Variants in HYOU1 observed in about 807,000 individuals in gnomAD.
HYOU1 encodes the protein hypoxia up-regulated protein 1.
Under a neutral mutation model 120.5 loss-of-function variants are expected in HYOU1, and 40 were observed. The observed-to-expected ratio is 0.33, with a 90% CI of 0.26 to 0.43. The LOEUF (loss-of-function observed/expected upper bound fraction) is 0.43, where lower values mean the gene tolerates loss of function less well. Among genes scored for constraint, HYOU1 ranks in the 20% least tolerant of loss-of-function variants. The probability of loss-of-function intolerance (pLI) is 1.00; values close to 1 mark genes in which losing one functional copy is unlikely to be tolerated. For missense variants in HYOU1, 1,085 were observed against 1,278.3 expected (o/e 0.85, Z 2.31); for synonymous variants, 501 against 479.4 (o/e 1.05, Z -0.59).
rs1462666836 is a variant in HYOU1 at position 119,049,220 on chromosome 11, G to A, written c.1807-17C>T. ...CTCTTCCTCCTGGGAAACACCACAG[G>A]CGCCCCAGGGAACGATCAGGAGCAG... On this transcript the variant is annotated splice_polypyrimidine_tract_variant and intron_variant, in intron 16 of 25. Transcript: ENST00000617285. 6.3e-7 allele frequency: 1 copy of A among 1,588,256 alleles called. No individual in the cohort carries two copies. Among genetic ancestry groups the A allele is most frequent in the Non-Finnish European group, 8.6e-7 (1 of 1,168,410 alleles).
Position 119,045,851 on chromosome 11 carries a change from G to A in HYOU1, c.2888-20C>T, listed in dbSNP as rs942315736. 1.2e-6 allele frequency: 2 copies of A among 1,611,848 alleles called. No homozygotes were observed. Among genetic ancestry groups the A allele is most frequent in the Non-Finnish European group, 8.5e-7 (1 of 1,179,444 alleles). ...CGGATCCTGCTTTGGGAAGAAACAG[G>A]TTAGTCTCCTCAGAAGGGAGGAAGA... is the stretch of plus-strand genomic sequence containing the variant. On this transcript the variant is annotated intron_variant, in intron 24 of 25. Transcript: ENST00000617285.
intron 6 of HYOU1, 111 bp downstream of exon 6, chr11:119,054,873 A>G: frequency 8.2e-7 from 1 of 1,214,216 alleles, no homozygotes; most frequent in Non-Finnish European, 1.2e-6. Flanking sequence ...ACCAAAATCT[A>G]TCTTCAGATG....
intron 22 of HYOU1, 152 bp downstream of exon 22, chr11:119,047,582 A>C: frequency 1.5e-6 from 1 of 676,776 alleles, no homozygotes; most frequent in South Asian, 1.7e-5. Flanking sequence ...GCTTGGGACT[A>C]ATCAGAGGTG....
At position 119,051,327 on chromosome 11, in the gene HYOU1, C is replaced by T; in HGVS notation, c.1526+111G>A. 1 of 1,485,744 alleles carries T rather than the reference C, an allele frequency of 6.7e-7. No individual in the cohort carries two copies. Among genetic ancestry groups the T allele is most frequent in the African/African-American group, 1.4e-5 (1 of 72,312 alleles). The allele number at this position is 1,485,744 out of a possible 1,614,324, so 92.0% of individuals were successfully genotyped here. ...TCTCCAGCGAAGCTGATCATAGCTG[C>T]CCTGTTTCAGCCCCGCAGGCCCACA... On this transcript the variant is annotated intron_variant, in intron 13 of 25. Transcript: ENST00000617285. The surrounding 1 kb of genome is among the most constrained non-coding windows in gnomAD (Gnocchi z 4.2).
At chr11:119,054,733 A>C in intron 6 of HYOU1, 58 bp from the exon 7 acceptor site, 1 of 1,524,408 alleles carries the variant, frequency 6.6e-7, no homozygotes, top group Non-Finnish European at 8.9e-7. Flanking sequence ...GAGGGCTTCT[A>C]ATCTGGTCAC....
chr11:119,047,702 A>C (rs2133557544), intron 22 of HYOU1, 32 bp downstream of exon 22: 5 of 1,560,372 alleles, frequency 3.2e-6, no homozygotes, highest in Non-Finnish European at 4.4e-6. Flanking sequence ...ATGGCAGCTA[A>C]GTATCTGGTT....
rs1048882646 is a variant in HYOU1, at chr11:119,055,133, A to G, written c.419+52T>C. 55 of 1,613,052 alleles carry G rather than the reference A, an allele frequency of 3.4e-5. No homozygotes were observed. In the Admixed American group the frequency reaches 3.5e-4, roughly 10 times the overall value. The stretch of plus-strand genomic sequence containing the variant: ...GCAGGACAATCAGGAACACACACCA[A>G]TGAGGAGCCCAGCAGCGTTGCCGAG... On this transcript the variant is annotated intron_variant, in intron 5 of 25. Coordinates refer to ENST00000617285, the MANE Select transcript of HYOU1 (RefSeq NM_006389.5). This position sits in a 1 kb window ranked among gnomAD's most constrained non-coding sequence, Gnocchi z 4.0.
intron 22 of HYOU1, 78 bp from the exon 23 acceptor site, chr11:119,046,880 C>G (rs1228050760): frequency 6.5e-7 from 1 of 1,534,436 alleles, no homozygotes; most frequent in African/African-American, 1.4e-5. Context: ...AATCACACCC[C>G]CAACCAGCCT....
chr11:119,056,282 G>A (rs782439274), intron 1 of HYOU1, 115 bp from the exon 2 acceptor site: 1 of 774,904 alleles, frequency 1.3e-6, no homozygotes, highest in African/African-American at 1.7e-5. Flanking sequence ...TTCTTACCCA[G>A]GGCAGATCAG....
chr11:119,051,657 G>A lies in HYOU1; in HGVS notation c.1339-32C>T. The A allele has an allele frequency of 1.9e-6, 3 of 1,612,626 alleles. No homozygotes were observed. Among genetic ancestry groups the A allele is most frequent in the Non-Finnish European group, 2.5e-6 (3 of 1,178,876 alleles). On this transcript the variant is annotated intron_variant, in intron 12 of 25. Transcript: ENST00000617285. The surrounding 1 kb of genome is among the most constrained non-coding windows in gnomAD (Gnocchi z 4.2). ...AGCAGGCAGACAGAGGCACACTGTT[G>A]CACACTAGAGAACCCGAGTAGGTTC...
In HYOU1 at chr11:119,055,280, T is replaced by C; in HGVS notation, c.324A>G (p.Ala108=). ...RYFQHLLGKQ[A]DNPHVALYQA... ...GGTAAAGAGCTACATGGGGGTTATCTGCCTGCTTCCCCAGGAGGTGCTGGA... is the reference window on the plus strand; with the variant it reads ...GGTAAAGAGCTACATGGGGGTTATCCGCCTGCTTCCCCAGGAGGTGCTGGA... The change falls in exon 5 of 26, where the codon GCA becomes GCG. Residue 108 remains alanine (A), a synonymous_variant. Transcript: ENST00000617285. The surrounding 1 kb of genome is among the most constrained non-coding windows in gnomAD (Gnocchi z 4.0). The C allele has an allele frequency of 6.2e-7, 1 of 1,614,118 alleles. No homozygotes were observed. The highest frequency in any genetic ancestry group is 8.5e-7 in the Non-Finnish European group (1 of 1,179,978).
Position 119,052,709 on chromosome 11 carries a change from G to C in HYOU1, c.915C>G (p.Ala305=). 6.2e-7 allele frequency: 1 copy of C among 1,614,224 alleles called. No individual in the cohort carries two copies. Among genetic ancestry groups the C allele is most frequent in the Middle Eastern group, 1.6e-4 (1 of 6,062 alleles). Residue 305 remains alanine (A), a synonymous_variant, in exon 9 of 26, where the codon GCC becomes GCG. Transcript: ENST00000617285. This position sits in a 1 kb window ranked among gnomAD's most constrained non-coding sequence, Gnocchi z 5.0. ...RAKDVRENPR[A]MAKLLREANR... The stretch of plus-strand genomic sequence containing the variant: ...TAGCCTCACGCAGCAGCTTGGCCAT[G>C]GCACGCGGGTTCTCCCGCACATCCT...
At position 119,049,794 on chromosome 11, in the gene HYOU1, T is replaced by C. The variant is rs939237538; in HGVS notation, c.1709A>G (p.Glu570Gly). The stretch of plus-strand genomic sequence containing the variant: ...CATCTTACTGGTGAGAGTAGATTCC[T>C]CTTCTGCGCTGTCCTCTACCAGTGT... ...FETLVEDSAE[E>G]ESTLTKLGNT... The change falls in exon 15 of 26, where the codon GAG becomes GGG. Residue 570 changes from glutamate to glycine, a missense_variant. This residue lies in a region of HYOU1 where 515 missense variants were observed against 677.8 expected (regional missense o/e 0.76). Transcript: ENST00000617285. The C allele has an allele frequency of 6.2e-7, 1 of 1,613,990 alleles. No individual in the cohort carries two copies. The highest frequency in any genetic ancestry group is 8.5e-7 in the Non-Finnish European group (1 of 1,179,982).
At chr11:119,045,710 C>A (rs1383228299) in intron 25 of HYOU1, 56 bp from the exon 26 acceptor site, 1 of 1,613,020 alleles carries the variant, frequency 6.2e-7, no homozygotes, top group Admixed American at 1.7e-5. Context: ...GAGGAACCAA[C>A]CCCAGTTCTT....
intron 1 of HYOU1, 52 bp from the exon 2 acceptor site, chr11:119,056,219 G>A (rs962329406): frequency 1.1e-5 from 14 of 1,281,084 alleles, no homozygotes; most frequent in Non-Finnish European, 1.6e-5. Context: ...CGGAGTGAAG[G>A]AGACAGAATC....
chr11:119,049,101 G>A lies in HYOU1; in HGVS notation c.1909C>T (p.Pro637Ser), dbSNP rs2133569576. The A allele has an allele frequency of 6.8e-6, 11 of 1,614,062 alleles. No homozygotes were observed. In the South Asian group the frequency reaches 1.2e-4, roughly 18 times the overall value. ...GCATCTCCCTTAGGTTCAGGGGGTG[G>A]GGGCTGAGAGCCATCCTCCACTGGG... is the stretch of plus-strand genomic sequence containing the variant. ...EAPVEDGSQP[P>S]PPEPKGDATP... The change falls in exon 17 of 26, where the codon CCA becomes TCA. Residue 637 changes from proline to serine, a missense_variant. This residue lies in a region of HYOU1 where 516 missense variants were observed against 517.1 expected (regional missense o/e 1.00). Transcript: ENST00000617285.
rs1358329440 is a variant in HYOU1, at chr11:119,049,600, C to T, written c.1762G>A (p.Gly588Ser). Residue 588 changes from glycine (G) to serine (S), a missense_variant, in exon 16 of 26, where the codon GGT becomes AGT. Gly to Ser is a moderately conservative substitution (Grantham distance 56). Coordinates refer to ENST00000617285, the MANE Select transcript of HYOU1 (RefSeq NM_006389.5). ...GNTISSLFGG[G>S]TTPDAKENGT... ...TTCTCCTTGGCATCTGGTGTGGTAC[C>T]GCCTCCAAACAGGCTGGAAATGGTG... 1.3e-5 allele frequency: 21 copies of T among 1,614,094 alleles called. No homozygotes were observed. The highest frequency in any genetic ancestry group is 3.3e-5 in the Admixed American group (2 of 60,010).
chr11:119,051,639 A>C lies in HYOU1; in HGVS notation c.1339-14T>G, dbSNP rs2133586624. On this transcript the variant is annotated splice_polypyrimidine_tract_variant and intron_variant, in intron 12 of 25. Coordinates refer to ENST00000617285, the MANE Select transcript of HYOU1 (RefSeq NM_006389.5). This position sits in a 1 kb window ranked among gnomAD's most constrained non-coding sequence, Gnocchi z 4.2. ...CGTGAACTCCACCTACACAGCAGGC[A>C]GACAGAGGCACACTGTTGCACACTA... 1 of 1,613,944 alleles carries C rather than the reference A, an allele frequency of 6.2e-7. No homozygotes were observed. Among genetic ancestry groups the C allele is most frequent in the Admixed American group, 1.7e-5 (1 of 59,996 alleles).
chr11:119,054,309 C>T, intron 7 of HYOU1, 73 bp from the exon 8 acceptor site: 1 of 1,290,646 alleles, frequency 7.7e-7, no homozygotes, highest in South Asian at 1.2e-5. Context: ...CACCCACCTG[C>T]TTCCAATGGG....
Sources: allele counts gnomAD v4.1 joint callset, GRCh38; gene constraint gnomAD v4.1.1; regional missense constraint gnomAD v4.1.1; non-coding constraint Gnocchi (gnomAD v3.1); transcripts MANE v1.5; gene names NCBI Gene and HGNC (gene_info 2026-07-23, HGNC 2026-07-21).